The following MRPL45 variants were observed in gnomAD, a reference collection of about 807,000 sequenced individuals.
MRPL45 encodes large ribosomal subunit protein mL45.
MRPL45 carries 20 observed loss-of-function variants against 38.1 expected under a neutral mutation model. That is an observed-to-expected ratio of 0.53 (90% CI 0.37 to 0.76). MRPL45 has a LOEUF of 0.76. MRPL45 is among the 30% of genes least tolerant of loss of function. The pLI is 0.00. For missense variants in MRPL45, 337 were observed against 395.6 expected, an observed-to-expected ratio of 0.85 and a Z score of 1.26; for synonymous variants, 105 against 128.8, an observed-to-expected ratio of 0.82 and a Z score of 1.25.
rs756136684 is a variant in MRPL45, at chr17:38,299,468, C to T, written c.362C>T (p.Ser121Leu). The change falls in exon 3 of 8, where the codon TCA (serine) becomes TTA (leucine). Residue 121 changes from serine (S) to leucine (L), a missense_variant and splice_region_variant. Ser to Leu is a moderately radical substitution (Grantham distance 145). Around this residue, in one of 3 missense-constraint regions of MRPL45, gnomAD observed 251 missense variants for 269.1 expected, o/e 0.93. Transcript: ENST00000613675. Reference sequence around the variant, plus strand: ...AAGAAGACTATGGCATCACAAGTGTCGTAGGTGTCTGAGACAATTGGGTAT... The same window carrying T: ...AAGAAGACTATGGCATCACAAGTGTTGTAGGTGTCTGAGACAATTGGGTAT... ...RMKKTMASQVSIRRIKDYDAN... is the reference protein window; with the variant it reads ...RMKKTMASQVLIRRIKDYDAN... The T allele has an allele frequency of 4.4e-6, 7 of 1,588,446 alleles. No homozygotes were observed. Among genetic ancestry groups the T allele is most frequent in the Middle Eastern group, 3.3e-4 (2 of 6,028 alleles).
At chr17:38,297,287 C>T (rs2036946029) in intron 1 of MRPL45, 38 bp downstream of exon 1, 3 of 1,574,658 alleles carry the variant, frequency 1.9e-6, no homozygotes, top group Non-Finnish European at 2.6e-6. Flanking sequence ...CTAGGGGCTA[C>T]AGGAGAGGAC....
chr17:38,305,140 C>T (rs1187468942), intron 3 of MRPL45, among the ~76,000 whole-genome samples: 10 of 149,108 alleles, frequency 6.7e-5, no homozygotes, highest in East Asian at 4.2e-4. Context: ...CCACTGCACC[C>T]GGCCTGTCTT....
intron 4 of MRPL45, among the ~76,000 whole-genome samples, chr17:38,314,434 CA>C: frequency 1.3e-5 from 2 of 152,168 alleles, no homozygotes; most frequent in East Asian, 3.9e-4. Flanking sequence ...TCCTTTGATG[CA>C]AAAAAGTTTT....
At chr17:38,301,848 T>G (rs1327558988) in intron 3 of MRPL45, among the ~76,000 whole-genome samples, 1 of 151,918 alleles carries the variant, frequency 6.6e-6, no homozygotes, top group Non-Finnish European at 1.5e-5. Context: ...CCGGGCGAGG[T>G]GGCTCACGCC....
chr17:38,322,364 C>T (rs879879844), intron 7 of MRPL45, 65 bp downstream of exon 7: 17 of 1,407,260 alleles, frequency 1.2e-5, no homozygotes, highest in Admixed American at 6.5e-5. Context: ...GCCACTCTGT[C>T]GGGCTCCACC....
intron 6 of MRPL45, among the ~76,000 whole-genome samples, chr17:38,321,730 CA>C (rs1293507197): frequency 6.6e-6 from 1 of 150,736 alleles, no homozygotes; most frequent in East Asian, 2.0e-4. Context: ...ATGGTGGTTT[CA>C]AAAATGGTTG....
At chr17:38,306,789 T>A (rs969280310) in intron 4 of MRPL45, among the ~76,000 whole-genome samples, 158 bp downstream of exon 4, 2 of 152,172 alleles carry the variant, frequency 1.3e-5, no homozygotes, top group Non-Finnish European at 2.9e-5. Context: ...TGGAAGTAAT[T>A]AGTGACTGAC....
In MRPL45 at chr17:38,299,343, T is replaced by G. The variant is rs200318900; in HGVS notation, c.245-8T>G. 206 of 1,529,506 alleles carry G rather than the reference T, an allele frequency of 1.3e-4. 2 individuals are homozygous for G. The South Asian group carries it at 2.3e-3, about 17-fold the overall frequency. 94.7% of individuals were successfully genotyped at this position (1,529,506 alleles called of 1,614,324 possible). A position where few individuals can be genotyped will look rare whatever the true frequency, so the allele number is the denominator to read the frequency against. ...CACTTTCTTAATTTTTTTCTTCCTT[T>G]ATTACAGCTGGTATATTTGATGCCT... On this transcript the variant is annotated splice_polypyrimidine_tract_variant and splice_region_variant and intron_variant, in intron 2 of 7. Coordinates refer to ENST00000613675, the MANE Select transcript of MRPL45 (RefSeq NM_032351.6).
At position 38,306,731 on chromosome 17, in the gene MRPL45, G is replaced by A; in HGVS notation, c.461+100G>A. The A allele has an allele frequency of 4.8e-6, 7 of 1,459,944 alleles. No homozygotes were observed. In the South Asian group the frequency reaches 8.7e-5, roughly 18 times the overall value. The allele number at this position is 1,459,944 out of a possible 1,614,324, so 90.4% of individuals were successfully genotyped here. A position where few individuals can be genotyped will look rare whatever the true frequency, so the allele number is the denominator to read the frequency against. On this transcript the variant is annotated intron_variant, in intron 4 of 7. Coordinates refer to ENST00000613675, the MANE Select transcript of MRPL45 (RefSeq NM_032351.6). ...GTTTGTTTTTGTTTTGCACAAATTT[G>A]TTTTCTGCCTTCAGGTAAGAGATCT...
chr17:38,318,817 CTTTTCTTTTCTTTTTTTT>C, intron 5 of MRPL45, 82 bp downstream of exon 5: 1 of 856,976 alleles, frequency 1.2e-6, no homozygotes, highest in Non-Finnish European at 1.8e-6. Flanking sequence ...CTTTTCTTTT[CTTTTCTTTTCTTTTTTTT>C]TTTTTTTTTG....
chr17:38,311,011 G>A (rs1191089935), intron 4 of MRPL45, among the ~76,000 whole-genome samples: 1 of 151,538 alleles, frequency 6.6e-6, no homozygotes, highest in Admixed American at 6.6e-5. Flanking sequence ...ATATATTTAT[G>A]GTAAAATACA....
chr17:38,313,333 C>CACGTATATATATATATATATACGT (rs2037139472), intron 4 of MRPL45, among the ~76,000 whole-genome samples: 1 of 17,254 alleles, frequency 5.8e-5, no homozygotes, highest in African/African-American at 2.3e-4. Flanking sequence ...TATATATATA[C>CACGTATATATATATATATATACGT]ATATATATAT....
chr17:38,318,629 C>A, intron 4 of MRPL45, 58 bp from the exon 5 acceptor site: 1 of 1,266,874 alleles, frequency 7.9e-7, no homozygotes, highest in Non-Finnish European at 1.2e-6. Context: ...CATTTTCAGT[C>A]TTCATACAGG....
At chr17:38,300,345 G>A (rs1567712355) in intron 3 of MRPL45, among the ~76,000 whole-genome samples, 2 of 151,938 alleles carry the variant, frequency 1.3e-5, no homozygotes, top group East Asian at 3.9e-4. Context: ...AGAAATTTTT[G>A]TAGAGACGGG....
rs1597655816 is a variant in MRPL45 at position 38,318,548 on chromosome 17, A to G, written c.462-139A>G. On this transcript the variant is annotated intron_variant, in intron 4 of 7. Coordinates refer to ENST00000613675, the MANE Select transcript of MRPL45 (RefSeq NM_032351.6). ...TGTTTGTGCCCCTAGAATTTAGCAT[A>G]TTTTATACCTGGCTTATACTAGATG... The G allele has an allele frequency of 7.3e-6, 4 of 548,350 alleles. No homozygotes were observed. In the South Asian group the frequency reaches 1.1e-4, roughly 15 times the overall value. 34.0% of individuals were successfully genotyped at this position (548,350 alleles called of 1,614,324 possible).
At chr17:38,309,334 G>A (rs1465564073) in intron 4 of MRPL45, among the ~76,000 whole-genome samples, 1 of 149,202 alleles carries the variant, frequency 6.7e-6, no homozygotes, top group East Asian at 2.1e-4. Flanking sequence ...GGCCAATGTG[G>A]TGAAACCCTG....
At chr17:38,305,124 C>T (rs1362586749) in intron 3 of MRPL45, among the ~76,000 whole-genome samples, 7 of 148,732 alleles carry the variant, frequency 4.7e-5, no homozygotes, top group African/African-American at 7.3e-5. Flanking sequence ...GGATTACAGG[C>T]GTGAGCCACT....
chr17:38,302,195 G>C (rs2037003669), intron 3 of MRPL45, among the ~76,000 whole-genome samples: 1 of 149,696 alleles, frequency 6.7e-6, no homozygotes, highest in African/African-American at 2.4e-5. Flanking sequence ...ATTTAAAGTT[G>C]GGATTGTGGC....
intron 4 of MRPL45, among the ~76,000 whole-genome samples, chr17:38,317,868 C>T (rs951149738): frequency 7.9e-5 from 12 of 151,970 alleles, no homozygotes; most frequent in African/African-American, 2.2e-4. Flanking sequence ...CCACCATGCC[C>T]GGCTGTTTTG....
Sources: allele counts gnomAD v4.1 joint callset (sites outside exome capture counted in the v4.1 genomes callset), GRCh38; gene constraint gnomAD v4.1.1; regional missense constraint gnomAD v4.1.1; transcripts MANE v1.5; gene names NCBI Gene and HGNC (gene_info 2026-07-23, HGNC 2026-07-21).